The following OR52N5 variants were observed in gnomAD, a reference collection of about 807,000 sequenced individuals.
OR52N5 encodes olfactory receptor family 52 subfamily N member 5, also known as olfactory receptor 52N5.
Under a neutral mutation model 14.1 loss-of-function variants are expected in OR52N5, and 10 were observed. That is an observed-to-expected ratio of 0.71 (90% CI 0.44 to 1.20). The LOEUF (loss-of-function observed/expected upper bound fraction) is 1.20, where lower values mean the gene tolerates loss of function less well. Among genes scored for constraint, OR52N5 ranks in the 50% most tolerant of loss-of-function variants. The pLI is 0.00. For missense variants in OR52N5, 361 were observed against 403.2 expected (o/e 0.90, Z 0.90); for synonymous variants, 116 against 143.0 (o/e 0.81, Z 1.35).
intron 1 of OR52N5, among the ~76,000 whole-genome samples, chr11:5,782,882 G>C (rs1033801117): frequency 1.4e-5 from 2 of 139,186 alleles, no homozygotes; most frequent in African/African-American, 5.3e-5. Flanking sequence ...AGAAAAGGGA[G>C]GGACTGGGAA....
rs868152200 is a variant in OR52N5, at chr11:5,777,755, G to T, written c.880C>A (p.Pro294Thr). Reference sequence around the variant, plus strand: ...TAAACAATAGGGTTTAGAGTTGGGGGAAGAAGAAGATAAAGATTAGCCACA... The same window carrying T: ...TAAACAATAGGGTTTAGAGTTGGGGTAAGAAGAAGATAAAGATTAGCCACA... ...IIVANLYLLL[P>T]PTLNPIVYGV... Residue 294 changes from proline to threonine, a missense_variant, in exon 3 of 3, where the codon CCC becomes ACC. By Grantham distance (38) the Pro-to-Thr change is conservative (BLOSUM62 -1). Coordinates refer to ENST00000641181, the MANE Select transcript of OR52N5 (RefSeq NM_001385662.1). The T allele has an allele frequency of 4.6e-6, 7 of 1,518,800 alleles. No homozygotes were observed. The highest frequency in any genetic ancestry group is 5.4e-6 in the Non-Finnish European group (6 of 1,112,656). The allele number at this position is 1,518,800 out of a possible 1,614,324, so 94.1% of individuals were successfully genotyped here. A position where few individuals can be genotyped will look rare whatever the true frequency, so the allele number is the denominator to read the frequency against.
rs376308797 is a variant in OR52N5, at chr11:5,778,011, A to C, written c.624T>G (p.Gly208=). 1 of 1,521,002 alleles carries C rather than the reference A, an allele frequency of 6.6e-7. No individual in the cohort carries two copies. The highest frequency in any genetic ancestry group is 1.2e-5 in the South Asian group (1 of 85,836). The allele number at this position is 1,521,002 out of a possible 1,614,324, so 94.2% of individuals were successfully genotyped here. A position where few individuals can be genotyped will look rare whatever the true frequency, so the allele number is the denominator to read the frequency against. ...CTCCAATCAGGAGAGCAACCATTAGACCATAGATTACATTGACCTTGATGC... is the reference window on the plus strand; with the variant it reads ...CTCCAATCAGGAGAGCAACCATTAGCCCATAGATTACATTGACCTTGATGC... ...CASIKVNVIY[G]LMVALLIGVF... The change falls in exon 3 of 3, where the codon GGT becomes GGG. Residue 208 remains glycine, a synonymous_variant. Coordinates refer to ENST00000641181, the MANE Select transcript of OR52N5 (RefSeq NM_001385662.1).
Position 5,777,707 on chromosome 11 carries a change from G to A in OR52N5, c.928C>T (p.Arg310Cys), listed in dbSNP as rs200217544. 46 of 1,505,590 alleles carry A rather than the reference G, an allele frequency of 3.1e-5. 6 individuals are homozygous for A. Among genetic ancestry groups the A allele is most frequent in the South Asian group, 4.8e-5 (4 of 83,156 alleles). 93.3% of individuals were successfully genotyped at this position (1,505,590 alleles called of 1,614,324 possible). A position where few individuals can be genotyped will look rare whatever the true frequency, so the allele number is the denominator to read the frequency against. ...IVYGVKTKQI[R>C]KSVIKFFQGD... The stretch of plus-strand genomic sequence containing the variant: ...TGGAAGAACTTTATGACACTCTTGC[G>A]TATCTGTTTTGTCTTTACTCCATAA... The change falls in exon 3 of 3, where the codon CGC becomes TGC. Residue 310 changes from arginine (R) to cysteine (C), a missense_variant. Physicochemically the swap from Arg to Cys is radical, Grantham distance 180 (BLOSUM62 -3). Coordinates refer to ENST00000641181, the MANE Select transcript of OR52N5 (RefSeq NM_001385662.1).
At position 5,780,427 on chromosome 11, in the gene OR52N5, G is replaced by A. The variant is rs1854539646; in HGVS notation, c.-24+1106C>T. 1.4e-5 allele frequency among the ~76,000 whole-genome samples: 2 copies of A among 138,674 alleles called. 1 individual carries two copies. Among genetic ancestry groups the A allele is most frequent in the African/African-American group, 5.3e-5 (2 of 37,894 alleles). The allele number at this position is 138,674 out of a possible 152,430, so 91.0% of individuals were successfully genotyped here. A position where few individuals can be genotyped will look rare whatever the true frequency, so the allele number is the denominator to read the frequency against. On this transcript the variant is annotated intron_variant, in intron 2 of 2. Coordinates refer to ENST00000641181, the MANE Select transcript of OR52N5 (RefSeq NM_001385662.1). ...CAAAGTAAAGAATATTATAGCTGAA[G>A]TAAATTAGAGACTAGAAAAATAATA...
In OR52N5 at chr11:5,778,609, C is replaced by A; in HGVS notation, c.26G>T (p.Trp9Leu). The change falls in exon 3 of 3, where the codon TGG becomes TTG. Residue 9 changes from tryptophan to leucine, a missense_variant. Trp to Leu is a moderately conservative substitution (Grantham distance 61, BLOSUM62 -2). Transcript: ENST00000641181. ...AGGAGTCACATGAATTGTTGGAAAC[C>A]AGCATAATGAATTAAATAGAGGCAT... MPLFNSLC[W>L]FPTIHVTPPS... 1 of 1,470,844 alleles carries A rather than the reference C, an allele frequency of 6.8e-7. No homozygotes were observed. Among genetic ancestry groups the A allele is most frequent in the Non-Finnish European group, 9.2e-7 (1 of 1,081,960 alleles). 91.1% of individuals were successfully genotyped at this position (1,470,844 alleles called of 1,614,324 possible). A position where few individuals can be genotyped will look rare whatever the true frequency, so the allele number is the denominator to read the frequency against.
At position 5,777,318 on chromosome 11, in the gene OR52N5, A is replaced by C. The variant is rs1854502140; in HGVS notation, c.*342T>G. ...GTGATTTTTAAAAAAACACCATTCT[A>C]CTTTTTACTTCTATGAATTGAACTA... is the stretch of plus-strand genomic sequence containing the variant. On this transcript the variant is annotated 3_prime_UTR_variant, in exon 3 of 3. Coordinates refer to ENST00000641181, the MANE Select transcript of OR52N5 (RefSeq NM_001385662.1). The C allele has an allele frequency of 6.7e-6, 1 of 148,858 alleles. No homozygotes were observed. 9.2% of individuals were successfully genotyped at this position (148,858 alleles called of 1,614,324 possible).
Position 5,777,798 on chromosome 11 carries a change from G to A in OR52N5, c.837C>T (p.Pro279=), listed in dbSNP as rs761890209. Reference sequence around the variant, plus strand: ...TAGCCACAATGATGTGAAGAGAAGGGGGAATTGTGTGTCCCCCAAAACGGT... The same window carrying A: ...TAGCCACAATGATGTGAAGAGAAGGAGGAATTGTGTGTCCCCCAAAACGGT... ...FAHRFGGHTI[P]PSLHIIVANL... The change falls in exon 3 of 3, where the codon CCC becomes CCT. Residue 279 remains proline, a synonymous_variant. Coordinates refer to ENST00000641181, the MANE Select transcript of OR52N5 (RefSeq NM_001385662.1). 3 of 1,521,006 alleles carry A rather than the reference G, an allele frequency of 2.0e-6. 1 individual carries two copies. In the Admixed American group the frequency reaches 5.4e-5, roughly 27 times the overall value. 94.2% of individuals were successfully genotyped at this position (1,521,006 alleles called of 1,614,324 possible).
rs1024179836 is a variant in OR52N5 at position 5,777,542 on chromosome 11, T to C, written c.*118A>G. 5 of 801,906 alleles carry C rather than the reference T, an allele frequency of 6.2e-6. 1 individual carries two copies. The African/African-American group carries it at 7.4e-5, about 12-fold the overall frequency. The allele number at this position is 801,906 out of a possible 1,614,324, so 49.7% of individuals were successfully genotyped here. ...TTCCCCAAAACAGTTTCAGAAAACA[T>C]AGACTGAGAGAGAAAATGTATGATA... On this transcript the variant is annotated 3_prime_UTR_variant, in exon 3 of 3. Transcript: ENST00000641181.
intron 2 of OR52N5, among the ~76,000 whole-genome samples, chr11:5,779,755 T>G (rs993014405): frequency 1.4e-5 from 2 of 139,624 alleles, no homozygotes; most frequent in Non-Finnish European, 3.2e-5. Context: ...GTGCCCAAAA[T>G]AGACTTTACC....
intron 2 of OR52N5, 127 bp from the exon 3 acceptor site, chr11:5,778,784 A>G: frequency 1.9e-6 from 1 of 535,186 alleles, no homozygotes; most frequent in Non-Finnish European, 3.2e-6. Flanking sequence ...GAAAATATAC[A>G]ATGTATTGAA....
chr11:5,783,025 T>G (rs749682799), intron 1 of OR52N5, among the ~76,000 whole-genome samples: 2 of 138,768 alleles, frequency 1.4e-5, no homozygotes, highest in African/African-American at 2.6e-5. Context: ...AGAAGAAGAA[T>G]AAATATAACG....
Position 5,778,513 on chromosome 11 carries a change from G to A in OR52N5, c.122C>T (p.Thr41Ile). The A allele has an allele frequency of 2.6e-6, 4 of 1,517,630 alleles. 1 individual carries two copies. Among genetic ancestry groups the A allele is most frequent in the Non-Finnish European group, 3.6e-6 (4 of 1,111,510 alleles). 94.0% of individuals were successfully genotyped at this position (1,517,630 alleles called of 1,614,324 possible). ...CCCCACAAGGAAGATGATGTACATT[G>A]TGCAGAGTGGGAGGGAGATCCATAC... Reference protein sequence around the residue: ...VHVWISLPLCTMYIIFLVGNL... With the variant: ...VHVWISLPLCIMYIIFLVGNL... Residue 41 changes from threonine to isoleucine, a missense_variant, in exon 3 of 3, where the codon ACA becomes ATA. Coordinates refer to ENST00000641181, the MANE Select transcript of OR52N5 (RefSeq NM_001385662.1).
chr11:5,778,638 A>G lies in OR52N5; in HGVS notation c.-4T>C, dbSNP rs541195050. The stretch of plus-strand genomic sequence containing the variant: ...ATAATGAATTAAATAGAGGCATTCT[A>G]TTTTTCCAGAAGTTTCATCCTGAAG... On this transcript the variant is annotated 5_prime_UTR_variant, in exon 3 of 3. The change abolishes the stop of an existing upstream ORF in the 5' untranslated region. Coordinates refer to ENST00000641181, the MANE Select transcript of OR52N5 (RefSeq NM_001385662.1). The G allele has an allele frequency of 8.6e-6, 12 of 1,394,884 alleles. 1 individual carries two copies. Among genetic ancestry groups the G allele is most frequent in the South Asian group, 1.5e-5 (1 of 68,574 alleles). 86.4% of individuals were successfully genotyped at this position (1,394,884 alleles called of 1,614,324 possible).
rs575748013 is a variant in OR52N5 at position 5,779,665 on chromosome 11, C to T, written c.-23-1008G>A. Reference sequence around the variant, plus strand: ...CTGTTGAGTCCTTCTAAATGCATGACGACTATTTTCATCAGAAATATCCAT... The same window carrying T: ...CTGTTGAGTCCTTCTAAATGCATGATGACTATTTTCATCAGAAATATCCAT... On this transcript the variant is annotated intron_variant, in intron 2 of 2. Coordinates refer to ENST00000641181, the MANE Select transcript of OR52N5 (RefSeq NM_001385662.1). Among the ~76,000 whole-genome samples the T allele has an allele frequency of 7.9e-5, 11 of 139,374 alleles. 2 individuals are homozygous for T. Among genetic ancestry groups the T allele is most frequent in the South Asian group, 4.7e-4 (2 of 4,252 alleles). 91.4% of individuals were successfully genotyped at this position (139,374 alleles called of 152,430 possible).
Position 5,781,644 on chromosome 11 carries a change from G to A in OR52N5, c.-135C>T, listed in dbSNP as rs1448422550. 2 of 140,396 alleles carry A rather than the reference G, an allele frequency of 1.4e-5. 1 individual carries two copies. Among genetic ancestry groups the A allele is most frequent in the African/African-American group, 5.2e-5 (2 of 38,348 alleles). The allele number at this position is 140,396 out of a possible 1,614,324, so 8.7% of individuals were successfully genotyped here. On this transcript the variant is annotated 5_prime_UTR_variant, in exon 2 of 3. Coordinates refer to ENST00000641181, the MANE Select transcript of OR52N5 (RefSeq NM_001385662.1). ...GTAGATGTCCACGCCTCCAGTATCT[G>A]GTGAAGGGTGGAGTGATTGATCCTA... is the stretch of plus-strand genomic sequence containing the variant.
chr11:5,777,645 T>C lies in OR52N5; in HGVS notation c.*15A>G, dbSNP rs1412797536. On this transcript the variant is annotated 3_prime_UTR_variant, in exon 3 of 3. Coordinates refer to ENST00000641181, the MANE Select transcript of OR52N5 (RefSeq NM_001385662.1). ...TTCATTTATCTTTCTTCCATCTGAATTAAGTTGCCTTGAATCAACCTGCAC... is the reference window on the plus strand; with the variant it reads ...TTCATTTATCTTTCTTCCATCTGAACTAAGTTGCCTTGAATCAACCTGCAC... 3 of 1,397,900 alleles carry C rather than the reference T, an allele frequency of 2.1e-6. 1 individual carries two copies. Among genetic ancestry groups the C allele is most frequent in the Non-Finnish European group, 2.9e-6 (3 of 1,043,922 alleles). The allele number at this position is 1,397,900 out of a possible 1,614,324, so 86.6% of individuals were successfully genotyped here.
chr11:5,782,988 C>A (rs1048097695), intron 1 of OR52N5, among the ~76,000 whole-genome samples: 1 of 137,824 alleles, frequency 7.3e-6, no homozygotes, highest in African/African-American at 2.7e-5. Flanking sequence ...TTCTCTGACC[C>A]TGGCATTACA....
chr11:5,778,517 A>T lies in OR52N5; in HGVS notation c.118T>A (p.Cys40Ser). 6.6e-7 allele frequency: 1 copy of T among 1,517,774 alleles called. No individual in the cohort carries two copies. The allele number at this position is 1,517,774 out of a possible 1,614,324, so 94.0% of individuals were successfully genotyped here. The change falls in exon 3 of 3, where the codon TGC (cysteine) becomes AGC (serine). Residue 40 changes from cysteine to serine, a missense_variant. Physicochemically the swap from Cys to Ser is moderately radical, Grantham distance 112. Coordinates refer to ENST00000641181, the MANE Select transcript of OR52N5 (RefSeq NM_001385662.1). ...ACAAGGAAGATGATGTACATTGTGCAGAGTGGGAGGGAGATCCATACATGT... is the reference window on the plus strand; with the variant it reads ...ACAAGGAAGATGATGTACATTGTGCTGAGTGGGAGGGAGATCCATACATGT... The part of the protein sequence containing the change: ...RVHVWISLPL[C>S]TMYIIFLVGN...
rs905352051 is a variant in OR52N5, at chr11:5,781,363, G to T, written c.-24+170C>A. ...AGGTAAATAGTAAGAAAGTTGTGTGGGATGATTTATATTTTTTTCTTTCAA... is the reference window on the plus strand; with the variant it reads ...AGGTAAATAGTAAGAAAGTTGTGTGTGATGATTTATATTTTTTTCTTTCAA... On this transcript the variant is annotated intron_variant, in intron 2 of 2. Coordinates refer to ENST00000641181, the MANE Select transcript of OR52N5 (RefSeq NM_001385662.1). Among the ~76,000 whole-genome samples the T allele has an allele frequency of 7.2e-5, 10 of 139,554 alleles. 2 individuals carry two copies. The highest frequency in any genetic ancestry group is 1.1e-4 in the Non-Finnish European group (7 of 63,244). 91.6% of individuals were successfully genotyped at this position (139,554 alleles called of 152,430 possible).
Sources: gnomAD v4.1 joint callset for allele counts (sites outside exome capture counted in the v4.1 genomes callset) on GRCh38, gnomAD v4.1.1 for gene constraint, MANE v1.5 for transcripts, NCBI Gene and HGNC (gene_info 2026-07-23, HGNC 2026-07-21) for gene names.